GRIK2: variants seen among roughly 807,000 people sequenced by gnomAD.
The protein encoded by GRIK2 is glutamate receptor ionotropic, kainate 2.
Under a neutral mutation model 100.3 loss-of-function variants are expected in GRIK2, and 32 were observed. The ratio of observed to expected loss-of-function variants is 0.32; its 90% confidence interval spans 0.24 to 0.43. The LOEUF is 0.43. Ranked by LOEUF, GRIK2 falls within the 20% of genes least tolerant of loss-of-function variation. The probability of loss-of-function intolerance (pLI) is 1.00; values close to 1 mark genes in which losing one functional copy is unlikely to be tolerated. For missense variants in GRIK2, 843 were observed against 1,114.9 expected (o/e 0.76, Z 3.47); for synonymous variants, 417 against 389.4 (o/e 1.07, Z -0.83).
At chr6:101,923,412 A>G (rs1319403916) in intron 12 of GRIK2, among the ~76,000 whole-genome samples, 1 of 152,202 alleles carries the variant, frequency 6.6e-6, no homozygotes, top group African/African-American at 2.4e-5. Flanking sequence ...TGATAAATAT[A>G]TCTGGATTAT....
At chr6:101,959,989 A>AT (rs1370495739) in intron 14 of GRIK2, among the ~76,000 whole-genome samples, 1 of 150,524 alleles carries the variant, frequency 6.6e-6, no homozygotes, top group Non-Finnish European at 1.5e-5. Context: ...AGGAATGCCT[A>AT]TAATTCATAG....
At chr6:101,680,089 T>G (rs1273376753) in intron 5 of GRIK2, among the ~76,000 whole-genome samples, 1 of 152,190 alleles carries the variant, frequency 6.6e-6, no homozygotes, top group Non-Finnish European at 1.5e-5. Context: ...ATCCTTGTTT[T>G]CAAAATCAAA....
intron 4 of GRIK2, among the ~76,000 whole-genome samples, chr6:101,635,849 C>G (rs1335511640): frequency 1.3e-5 from 2 of 152,112 alleles, no homozygotes; most frequent in Admixed American, 1.3e-4. Context: ...AGTCAGGAAA[C>G]AACAGATGCT....
At chr6:101,752,319 T>G (rs9377297) in intron 7 of GRIK2, among the ~76,000 whole-genome samples, 21,456 of 152,078 alleles carry the variant, frequency 0.14, 2,771 homozygotes, top group East Asian at 0.7. Flanking sequence ...TTGTTGAGTA[T>G]TAACACGATT....
chr6:101,645,484 C>T (rs556694933), intron 4 of GRIK2, among the ~76,000 whole-genome samples: 16 of 151,812 alleles, frequency 1.1e-4, no homozygotes, highest in East Asian at 3.9e-4. Flanking sequence ...GCACATAGTA[C>T]GTTAAACAAT....
At chr6:101,444,117 C>A (rs1770238244) in intron 2 of GRIK2, among the ~76,000 whole-genome samples, 1 of 151,824 alleles carries the variant, frequency 6.6e-6, no homozygotes, top group African/African-American at 2.4e-5. Flanking sequence ...CGGGGTCTTG[C>A]TCTGTTGCCT....
intron 9 of GRIK2, among the ~76,000 whole-genome samples, chr6:101,806,727 G>A (rs1473308237): frequency 6.6e-6 from 1 of 150,734 alleles, no homozygotes; most frequent in Non-Finnish European, 1.5e-5. Flanking sequence ...TCCATTCCCA[G>A]TTCCTTTGCC....
At chr6:101,725,224 C>A (rs1393579738) in intron 7 of GRIK2, among the ~76,000 whole-genome samples, 1 of 151,956 alleles carries the variant, frequency 6.6e-6, no homozygotes, top group African/African-American at 2.4e-5. Flanking sequence ...GTTCTTGTAC[C>A]TTTTACCAAA....
chr6:101,547,470 T>TC (rs1226718302), intron 2 of GRIK2, among the ~76,000 whole-genome samples: 2 of 152,090 alleles, frequency 1.3e-5, no homozygotes, highest in Non-Finnish European at 2.9e-5. Context: ...CCTTCCCCAC[T>TC]CCCCCTACCC....
intron 14 of GRIK2, among the ~76,000 whole-genome samples, chr6:101,943,686 G>A (rs957611725): frequency 3.9e-5 from 6 of 152,202 alleles, no homozygotes; most frequent in Non-Finnish European, 8.8e-5. Context: ...GGGGCCTGTA[G>A]CCCCTTAGTC....
At chr6:101,549,500 T>C (rs1373839382) in intron 2 of GRIK2, among the ~76,000 whole-genome samples, 8 of 152,110 alleles carry the variant, frequency 5.3e-5, no homozygotes, top group Non-Finnish European at 1.0e-4. Flanking sequence ...GCAATATATA[T>C]ACAATGACCT....
Position 101,743,897 on chromosome 6 carries a change from G to A in GRIK2, c.952-55751G>A, listed in dbSNP as rs150643589. Among the ~76,000 whole-genome samples the A allele has an allele frequency of 4.9e-4, 75 of 152,210 alleles. 1 individual carries two copies. The East Asian group carries it at 0.014, about 28-fold the overall frequency. Reference sequence around the variant, plus strand: ...CAAGTTCTTTAGTGGTGATTTCTGAGATTTTGGTGCATCCATTACCTGAGA... The same window carrying A: ...CAAGTTCTTTAGTGGTGATTTCTGAAATTTTGGTGCATCCATTACCTGAGA... On this transcript the variant is annotated intron_variant, in intron 7 of 16. Transcript: ENST00000369134.
intron 15 of GRIK2, among the ~76,000 whole-genome samples, chr6:102,046,287 C>G (rs576957709): frequency 6.6e-6 from 1 of 152,018 alleles, no homozygotes; most frequent in East Asian, 1.9e-4. Context: ...AGCAAATTAA[C>G]AAGAAAATAC....
chr6:101,605,668 A>C (rs1779409267), intron 2 of GRIK2, among the ~76,000 whole-genome samples: 2 of 151,946 alleles, frequency 1.3e-5, no homozygotes, highest in African/African-American at 4.8e-5. Context: ...ACAAGAGTAA[A>C]ACTCCGTCTC....
intron 2 of GRIK2, among the ~76,000 whole-genome samples, chr6:101,451,873 A>G (rs1178639851): frequency 1.3e-5 from 2 of 151,686 alleles, no homozygotes; most frequent in Admixed American, 6.6e-5. Flanking sequence ...TCACTTTCCT[A>G]TGGAGACACT....
intron 7 of GRIK2, among the ~76,000 whole-genome samples, chr6:101,777,815 C>T (rs778848214): frequency 2.0e-5 from 3 of 152,112 alleles, no homozygotes; most frequent in Non-Finnish European, 4.4e-5. Context: ...CCTGCACTTA[C>T]TTAATGGAAA....
intron 2 of GRIK2, among the ~76,000 whole-genome samples, chr6:101,449,768 A>G (rs1770570898): frequency 6.6e-6 from 1 of 151,732 alleles, no homozygotes; most frequent in Non-Finnish European, 1.5e-5. Flanking sequence ...AATACTTTCA[A>G]TTTGTTTGTT....
chr6:101,803,209 A>G (rs766303432), intron 9 of GRIK2, among the ~76,000 whole-genome samples: 2 of 151,890 alleles, frequency 1.3e-5, no homozygotes, highest in African/African-American at 2.4e-5. Context: ...ATAGTAAGCT[A>G]TCTTATATTT....
chr6:101,899,766 G>C (rs992512469), intron 12 of GRIK2, among the ~76,000 whole-genome samples: 1 of 152,108 alleles, frequency 6.6e-6, no homozygotes, highest in Non-Finnish European at 1.5e-5. Context: ...GCATGATAAA[G>C]TTATAAACAG....
Sources: gnomAD v4.1 joint callset for allele counts (sites outside exome capture counted in the v4.1 genomes callset) on GRCh38, gnomAD v4.1.1 for gene constraint, MANE v1.5 for transcripts, NCBI Gene and HGNC (gene_info 2026-07-23, HGNC 2026-07-21) for gene names.